Variants in SRSF11 observed in about 807,000 individuals in gnomAD.
SRSF11 encodes the protein serine/arginine-rich splicing factor 11.
SRSF11 carries 9 observed loss-of-function variants against 56.0 expected under a neutral mutation model. The ratio of observed to expected loss-of-function variants is 0.16; its 90% CI spans 0.10 to 0.28. SRSF11 has a LOEUF of 0.28. SRSF11 is among the 10% of genes least tolerant of loss of function. SRSF11 has a pLI of 1.00. For missense variants in SRSF11, 421 were observed against 600.7 expected (o/e 0.70, Z 3.13); for synonymous variants, 222 against 215.3 (o/e 1.03, Z -0.27).
chr1:70,241,791 ATAGTT>A (rs1675467449), intron 7 of SRSF11, among the ~76,000 whole-genome samples: 1 of 152,198 alleles, frequency 6.6e-6, no homozygotes, highest in South Asian at 2.1e-4. Context: ...CAGTGCTCTC[ATAGTT>A]TAGTTTAACC....
At chr1:70,207,246 C>T (rs1191778721) in intron 1 of SRSF11, among the ~76,000 whole-genome samples, 1 of 152,014 alleles carries the variant, frequency 6.6e-6, no homozygotes, top group African/African-American at 2.4e-5. Context: ...TAATGAGGTC[C>T]CTGGTCAGCT....
intron 1 of SRSF11, among the ~76,000 whole-genome samples, chr1:70,226,982 C>T (rs780754579): frequency 3.3e-5 from 5 of 152,134 alleles, no homozygotes; most frequent in Non-Finnish European, 7.3e-5. Context: ...GGTGGCTTAA[C>T]TTGCTTGTGG....
rs578210215 is a variant in SRSF11 at position 70,221,714 on chromosome 1, C to A, written c.78C>A (p.Gly26=). 7 of 1,613,342 alleles carry A rather than the reference C, an allele frequency of 4.3e-6. No homozygotes were observed. The Admixed American group carries it at 8.3e-5, about 19-fold the overall frequency. Residue 26 remains glycine (G), a synonymous_variant, in exon 1 of 12, where the codon GGC becomes GGA. Transcript: ENST00000370949. ...SGGPGGGGGG[G]GGGGGTEVIQ... is the part of the protein sequence containing the mutation. Reference sequence around the variant, plus strand: ...GGCCCGGTGGCGGAGGTGGTGGTGGCGGCGGAGGCGGCGGCACCGAGGTAA... The same window carrying A: ...GGCCCGGTGGCGGAGGTGGTGGTGGAGGCGGAGGCGGCGGCACCGAGGTAA...
chr1:70,230,254 T>G (rs1192883390), intron 2 of SRSF11: 2 of 1,000,796 alleles, frequency 2.0e-6, no homozygotes, highest in African/African-American at 3.5e-5. Context: ...TAGGGGAATA[T>G]TTCATTCAGA....
chr1:70,214,628 G>A (rs1669844327), intron 1 of SRSF11, among the ~76,000 whole-genome samples: 1 of 151,896 alleles, frequency 6.6e-6, no homozygotes, highest in South Asian at 2.1e-4. Context: ...TATGAAAGAA[G>A]TATTTGAAAA....
At chr1:70,228,702 C>A in intron 2 of SRSF11, 147 bp downstream of exon 2, 1 of 1,326,830 alleles carries the variant, frequency 7.5e-7, no homozygotes, top group East Asian at 2.8e-5. Flanking sequence ...TTTTTGCTTG[C>A]AGATTTTTTT....
At position 70,250,656 on chromosome 1, in the gene SRSF11, A is replaced by G; in HGVS notation, c.1306A>G (p.Lys436Glu). 1 of 1,613,992 alleles carries G rather than the reference A, an allele frequency of 6.2e-7. No individual in the cohort carries two copies. The highest frequency in any genetic ancestry group is 8.5e-7 in the Non-Finnish European group (1 of 1,179,946). ...DEEEQGYDSE[K>E]EKKEEKKPIE... is the part of the protein sequence containing the mutation. ...AGAGGAACAGGGGTATGACAGTGAGAAAGAGAAAAAAGAAGAGAAGAAACC... is the reference window on the plus strand; with the variant it reads ...AGAGGAACAGGGGTATGACAGTGAGGAAGAGAAAAAAGAAGAGAAGAAACC... The change falls in exon 12 of 12, where the codon AAA becomes GAA. Residue 436 changes from lysine to glutamate, a missense_variant. Lys to Glu is a moderately conservative substitution (Grantham distance 56). This residue lies in a region of SRSF11 where 253 missense variants were observed against 305.8 expected (regional missense o/e 0.83). Coordinates refer to ENST00000370949, the MANE Select transcript of SRSF11 (RefSeq NM_001350605.2).
rs187916869 is a variant in SRSF11, at chr1:70,222,020, G to A, written c.203+181G>A. Among the ~76,000 whole-genome samples the A allele has an allele frequency of 8.5e-4, 130 of 152,264 alleles. 2 individuals carry two copies. The Middle Eastern group carries it at 0.071, about 84-fold the overall frequency. ...CTACAAAAAAATGCAGAGAGGCAGG[G>A]CCAGGGCTTTTTGGAATTAGGAAAC... is the stretch of plus-strand genomic sequence containing the variant. On this transcript the variant is annotated intron_variant, in intron 1 of 11. Coordinates refer to ENST00000370949, the MANE Select transcript of SRSF11 (RefSeq NM_001350605.2).
intron 7 of SRSF11, among the ~76,000 whole-genome samples, chr1:70,242,710 G>T (rs1675767293): frequency 1.3e-5 from 2 of 152,086 alleles, no homozygotes; most frequent in African/African-American, 4.8e-5. Context: ...CTGGTTAAAA[G>T]CTCATATGAA....
chr1:70,250,895 C>G lies in SRSF11; in HGVS notation c.*90C>G. On this transcript the variant is annotated 3_prime_UTR_variant, in exon 12 of 12. Transcript: ENST00000370949. ...AATGCTGTATTTGTTCATCTCAAAC[C>G]TAGATGTATACAGCTCTGAGTTATA... 1 of 1,140,990 alleles carries G rather than the reference C, an allele frequency of 8.8e-7. No individual in the cohort carries two copies. Among genetic ancestry groups the G allele is most frequent in the Non-Finnish European group, 1.3e-6 (1 of 768,638 alleles). 70.7% of individuals were successfully genotyped at this position (1,140,990 alleles called of 1,614,324 possible).
intron 7 of SRSF11, 83 bp from the exon 8 acceptor site, chr1:70,244,601 G>C: frequency 6.9e-7 from 1 of 1,459,026 alleles, no homozygotes; most frequent in South Asian, 1.3e-5. Flanking sequence ...CCATATGTCC[G>C]AATCTTTTGT....
rs749017805 is a variant in SRSF11, at chr1:70,234,718, C to T, written c.470C>T (p.Ala157Val). 6.2e-7 allele frequency: 1 copy of T among 1,607,346 alleles called. No homozygotes were observed. The highest frequency in any genetic ancestry group is 8.5e-7 in the Non-Finnish European group (1 of 1,177,314). The change falls in exon 4 of 12, where the codon GCT becomes GTT. Residue 157 changes from alanine (A) to valine (V), a missense_variant. Coordinates refer to ENST00000370949, the MANE Select transcript of SRSF11 (RefSeq NM_001350605.2). ...LTQIGAVPLA[A>V]LGAPTLDPAL... Reference sequence around the variant, plus strand: ...CAGATTGGCGCTGTTCCACTGGCTGCTTTGGGGGCTCCTACTCTTGATCCT... The same window carrying T: ...CAGATTGGCGCTGTTCCACTGGCTGTTTTGGGGGCTCCTACTCTTGATCCT...
At chr1:70,215,285 A>T (rs961053839) in intron 1 of SRSF11, among the ~76,000 whole-genome samples, 2 of 152,190 alleles carry the variant, frequency 1.3e-5, no homozygotes, top group Admixed American at 6.5e-5. Flanking sequence ...GGGGAAAAAA[A>T]ATATAGCCAA....
intron 3 of SRSF11, among the ~76,000 whole-genome samples, chr1:70,233,840 C>A (rs1673371456): frequency 6.6e-6 from 1 of 152,020 alleles, no homozygotes; most frequent in Non-Finnish European, 1.5e-5. Flanking sequence ...GTGGCAGAAC[C>A]CTGCAGTGAT....
chr1:70,247,431 A>C (rs1677013049), intron 9 of SRSF11, among the ~76,000 whole-genome samples: 1 of 152,120 alleles, frequency 6.6e-6, no homozygotes, highest in South Asian at 2.1e-4. Context: ...GATTTATATG[A>C]TAGTAAGGGC....
chr1:70,214,530 A>G (rs3767209), intron 1 of SRSF11, among the ~76,000 whole-genome samples: 12,070 of 152,258 alleles, frequency 0.079, 536 homozygotes, highest in South Asian at 0.19. Context: ...TTTGCCTATA[A>G]TTTTAGGGTG....
intron 1 of SRSF11, among the ~76,000 whole-genome samples, chr1:70,211,409 A>G (rs886317360): frequency 8.5e-5 from 13 of 152,238 alleles, no homozygotes; most frequent in African/African-American, 2.9e-4. Context: ...GTAAATGTTT[A>G]AAAATGGCAA....
intron 2 of SRSF11, 136 bp from the exon 3 acceptor site, chr1:70,232,132 C>A (rs1417763969): frequency 6.4e-7 from 1 of 1,554,186 alleles, no homozygotes; most frequent in Non-Finnish European, 8.7e-7. Flanking sequence ...TCATAGAAAT[C>A]AAGCTTTGTA....
intron 1 of SRSF11, among the ~76,000 whole-genome samples, chr1:70,207,919 A>C (rs1003838168): frequency 2.6e-5 from 4 of 151,830 alleles, no homozygotes; most frequent in African/African-American, 9.7e-5. Flanking sequence ...CTGTGTTGCC[A>C]AGGCTGGTCT....
Sources: gnomAD v4.1 joint callset for allele counts (sites outside exome capture counted in the v4.1 genomes callset) on GRCh38, gnomAD v4.1.1 for gene constraint, gnomAD v4.1.1 regional missense constraint, MANE v1.5 for transcripts, NCBI Gene and HGNC (gene_info 2026-07-23, HGNC 2026-07-21) for gene names.